The following SHROOM2 variants were observed in gnomAD, a reference collection of about 807,000 sequenced individuals.
SHROOM2 encodes protein Shroom2.
A neutral mutation model predicts 75.9 loss-of-function variants in SHROOM2; 33 were observed. The ratio of observed to expected loss-of-function variants is 0.43; its 90% CI spans 0.33 to 0.58. The LOEUF is 0.58. SHROOM2 is among the 20% of genes least tolerant of loss of function. The probability of loss-of-function intolerance (pLI) is 0.04; values close to 1 mark genes in which losing one functional copy is unlikely to be tolerated. For synonymous variants in SHROOM2, 655 were observed against 663.6 expected (o/e 0.99, Z 0.20); for missense variants, 1,434 against 1,461.2 (o/e 0.98, Z 0.30).
chrX:9,827,060 G>A (rs1036121307), intron 1 of SHROOM2, among the ~76,000 whole-genome samples: 9 of 110,411 alleles, frequency 8.2e-5, no homozygotes, highest in Non-Finnish European at 1.3e-4. Flanking sequence ...CCCTGGGGGA[G>A]CTGCGAAGCG....
intron 4 of SHROOM2, among the ~76,000 whole-genome samples, chrX:9,897,680 C>CAAAAAAAAAAA (rs56026461): frequency 4.3e-5 from 3 of 70,578 alleles, no homozygotes; most frequent in African/African-American, 1.8e-4. Context: ...GACCCTGTCT[C>CAAAAAAAAAAA]AAAAAAAAAA....
At chrX:9,805,861 G>A (rs750152806) in intron 1 of SHROOM2, among the ~76,000 whole-genome samples, 41 of 105,741 alleles carry the variant, frequency 3.9e-4, no homozygotes, top group Admixed American at 2.5e-3. Flanking sequence ...CTGAGATCAC[G>A]CCGTTGCACT....
At chrX:9,890,877 G>C (rs1890518789) in intron 2 of SHROOM2, 100 bp from the exon 3 acceptor site, 2 of 864,236 alleles carry the variant, frequency 2.3e-6, no homozygotes, top group African/African-American at 4.0e-5. Flanking sequence ...GCACGAGCGT[G>C]TGCCCTGTGT....
intron 5 of SHROOM2, among the ~76,000 whole-genome samples, chrX:9,926,640 G>A (rs1192585005): frequency 8.9e-6 from 1 of 111,917 alleles, no homozygotes; most frequent in African/African-American, 3.2e-5. Context: ...AGTCCGGAAT[G>A]ACGGAGATGC....
intron 5 of SHROOM2, among the ~76,000 whole-genome samples, chrX:9,907,152 C>T (rs1157992436): frequency 4.5e-5 from 5 of 111,566 alleles, no homozygotes; most frequent in Non-Finnish European, 9.4e-5. Flanking sequence ...GGAAGCAAGA[C>T]AAGGAAACCT....
At chrX:9,836,017 C>T (rs1234017498) in intron 1 of SHROOM2, among the ~76,000 whole-genome samples, 1 of 112,283 alleles carries the variant, frequency 8.9e-6, no homozygotes, top group East Asian at 2.8e-4. Flanking sequence ...GAAGCTTCTT[C>T]GCACCCCTGA....
rs146473078 is a variant in SHROOM2 at position 9,915,364 on chromosome X, C to T, written c.2892-16811C>T. ...AGCATATGAATATATATGAGACACA[C>T]GCACAGGGGTAATAGCTTCGATATC... On this transcript the variant is annotated intron_variant, in intron 5 of 9. Coordinates refer to ENST00000380913, the MANE Select transcript of SHROOM2 (RefSeq NM_001649.4). 6.2e-3 allele frequency among the ~76,000 whole-genome samples: 692 copies of T among 110,901 alleles called. 5 individuals carry two copies. Among genetic ancestry groups the T allele is most frequent in the African/African-American group, 0.022 (672 of 30,455 alleles).
intron 3 of SHROOM2, 52 bp from the exon 4 acceptor site, chrX:9,894,306 C>T (rs2084310590): frequency 4.4e-6 from 5 of 1,131,703 alleles, no homozygotes; most frequent in Non-Finnish European, 6.0e-6. Context: ...TGCCCTTTGC[C>T]ATTGCTGTTG....
At chrX:9,871,507 G>A (rs2084171111) in intron 1 of SHROOM2, among the ~76,000 whole-genome samples, 1 of 112,057 alleles carries the variant, frequency 8.9e-6, no homozygotes, top group African/African-American at 3.2e-5. Context: ...TCCCTTGGCT[G>A]TGTGTGCAAC....
chrX:9,876,444 C>T (rs748109475), intron 2 of SHROOM2, among the ~76,000 whole-genome samples: 8 of 112,126 alleles, frequency 7.1e-5, no homozygotes, highest in Non-Finnish European at 1.5e-4. Flanking sequence ...GTATTCTTCT[C>T]TATCTAAATT....
chrX:9,923,809 GAA>G (rs997800235), intron 5 of SHROOM2, among the ~76,000 whole-genome samples: 1 of 112,339 alleles, frequency 8.9e-6, no homozygotes, highest in African/African-American at 3.2e-5. Context: ...AACCCCTCGA[GAA>G]ATCAGTGCCT....
At chrX:9,934,503 A>G (rs754332129) in intron 6 of SHROOM2, among the ~76,000 whole-genome samples, 23 of 111,383 alleles carry the variant, frequency 2.1e-4, no homozygotes, top group African/African-American at 7.2e-4. Flanking sequence ...TTCTGAAAGG[A>G]AAGTGTCTTA....
chrX:9,904,007 T>A lies in SHROOM2; in HGVS notation c.2891+5717T>A, dbSNP rs1273204008. Reference sequence around the variant, plus strand: ...AGAAGGAATAGCTTTCAGGTGATAGTTTATGGTTACAGGATTTCGGCTAAG... The same window carrying A: ...AGAAGGAATAGCTTTCAGGTGATAGATTATGGTTACAGGATTTCGGCTAAG... On this transcript the variant is annotated intron_variant, in intron 5 of 9. Transcript: ENST00000380913. 4.5e-5 allele frequency among the ~76,000 whole-genome samples: 5 copies of A among 110,534 alleles called. No individual in the cohort carries two copies. In the Admixed American group the frequency reaches 4.8e-4, roughly 11 times the overall value.
chrX:9,879,923 G>A (rs2084222277), intron 2 of SHROOM2, among the ~76,000 whole-genome samples: 1 of 112,199 alleles, frequency 8.9e-6, no homozygotes. Flanking sequence ...CACAAATGAT[G>A]TAGACTTTTA....
chrX:9,786,442 G>A lies in SHROOM2; in HGVS notation c.-104G>A, dbSNP rs1446573358. On this transcript the variant is annotated 5_prime_UTR_variant, in exon 1 of 10. Transcript: ENST00000380913. Reference sequence around the variant, plus strand: ...CGCCGGGCCGGCACTTTCTTTCCAAGTTACGGCGCAAGTTCTGCGGCGCTC... The same window carrying A: ...CGCCGGGCCGGCACTTTCTTTCCAAATTACGGCGCAAGTTCTGCGGCGCTC... 11 of 658,169 alleles carry A rather than the reference G, an allele frequency of 1.7e-5. No homozygotes were observed. Among genetic ancestry groups the A allele is most frequent in the Non-Finnish European group, 1.9e-5 (10 of 534,142 alleles). 54.2% of individuals were successfully genotyped at this position (658,169 alleles called of 1,213,427 possible).
chrX:9,823,011 T>TCTTCTTCTTCTC (rs1293565034), intron 1 of SHROOM2, among the ~76,000 whole-genome samples: 1 of 80,391 alleles, frequency 1.2e-5, no homozygotes, highest in Admixed American at 1.6e-4. Context: ...TTCTTCTTCT[T>TCTTCTTCTTCTC]CTTCTCCTTC....
intron 1 of SHROOM2, among the ~76,000 whole-genome samples, chrX:9,861,554 G>A (rs1362512269): frequency 8.9e-6 from 1 of 112,266 alleles, no homozygotes; most frequent in African/African-American, 3.2e-5. Flanking sequence ...GTCCCTGAGA[G>A]TGGAGCAGCA....
chrX:9,800,065 C>T (rs942298660), intron 1 of SHROOM2, among the ~76,000 whole-genome samples: 1 of 111,489 alleles, frequency 9.0e-6, no homozygotes. Context: ...GATCACCAAT[C>T]CTTTGGAGCC....
At chrX:9,904,012 G>A (rs1569164090) in intron 5 of SHROOM2, among the ~76,000 whole-genome samples, 1 of 111,217 alleles carries the variant, frequency 9.0e-6, no homozygotes. Flanking sequence ...GATAGTTTAT[G>A]GTTACAGGAT....
Sources: gnomAD v4.1 joint callset for allele counts (sites outside exome capture counted in the v4.1 genomes callset) on GRCh38, gnomAD v4.1.1 for gene constraint, MANE v1.5 for transcripts, NCBI Gene and HGNC (gene_info 2026-07-23, HGNC 2026-07-21) for gene names.